The following MIER2 variants were observed in gnomAD, a reference collection of about 807,000 sequenced individuals.
MIER2 encodes MIER family member 2.
In MIER2, 30 loss-of-function variants were observed where a neutral mutation model predicts 67.6. That is an observed-to-expected ratio of 0.44 (90% CI 0.33 to 0.60). MIER2 has a LOEUF of 0.60. MIER2 is among the 20% of genes least tolerant of loss of function. The pLI is 0.02. For synonymous variants in MIER2, 372 were observed against 312.6 expected (o/e 1.19, Z -2.00); for missense variants, 702 against 745.1 (o/e 0.94, Z 0.67).
chr19:325,539 C>T (rs188658715), intron 7 of MIER2, 96 bp downstream of exon 7: 76 of 1,402,260 alleles, frequency 5.4e-5, no homozygotes, highest in African/African-American at 1.4e-4. Flanking sequence ...CGATGCGGGG[C>T]GGGGACCTGA....
chr19:313,749 T>C, intron 7 of MIER2, 106 bp from the exon 8 acceptor site: 3 of 1,453,578 alleles, frequency 2.1e-6, no homozygotes, highest in Non-Finnish European at 1.9e-6. Context: ...GAGGAGGCAC[T>C]GTCCGTCCTC....
intron 1 of MIER2, among the ~76,000 whole-genome samples, chr19:341,522 A>C (rs1307085526): frequency 1.3e-5 from 2 of 152,126 alleles, no homozygotes; most frequent in African/African-American, 4.8e-5. Flanking sequence ...GGCGACTCTG[A>C]GTTCCTGGAA....
At position 334,468 on chromosome 19, in the gene MIER2, C is replaced by A. The variant is rs375363029; in HGVS notation, c.175G>T (p.Glu59Ter). ...ILSQNYSVRG[E>*]CEEASRCPDK... is the part of the protein sequence containing the mutation. ...GGGCACCTCGAGGCCTCCTCGCACT[C>A]CCCCCTAACACTGTAGTTCTGTGAC... Residue 59 changes from glutamate to a stop codon, truncating the protein, a stop_gained, in exon 3 of 14, where the codon GAG (glutamate) becomes TAG (stop). Transcript: ENST00000264819. LOFTEE classifies it high-confidence loss of function. The A allele has an allele frequency of 4.3e-6, 7 of 1,614,010 alleles. No individual in the cohort carries two copies. The highest frequency in any genetic ancestry group is 5.9e-6 in the Non-Finnish European group (7 of 1,180,016).
intron 1 of MIER2, chr19:340,682 G>A (rs563452780): frequency 4.0e-4 from 61 of 152,316 alleles, no homozygotes; most frequent in African/African-American, 1.4e-3. Context: ...TGAGGTTCAA[G>A]GGCCAACTGT....
intron 7 of MIER2, among the ~76,000 whole-genome samples, chr19:318,740 C>A (rs1971368084): frequency 6.6e-6 from 1 of 152,106 alleles, no homozygotes; most frequent in African/African-American, 2.4e-5. Flanking sequence ...TGTTTTCTGA[C>A]CACAGTGTAA....
intron 7 of MIER2, among the ~76,000 whole-genome samples, chr19:319,320 C>A (rs996662201): frequency 6.6e-6 from 1 of 152,108 alleles, no homozygotes; most frequent in East Asian, 1.9e-4. Context: ...CAATATTGCA[C>A]CACTGAACTC....
In MIER2 at chr19:306,676, C is replaced by T. The variant is rs1262253122; in HGVS notation, c.*14G>A. ...AGTCCAGTCTGGGCCGCATACGCCGCCCGCGGCCAGGAGTCAGCAGGTCAT... is the reference window on the plus strand; with the variant it reads ...AGTCCAGTCTGGGCCGCATACGCCGTCCGCGGCCAGGAGTCAGCAGGTCAT... On this transcript the variant is annotated 3_prime_UTR_variant, in exon 14 of 14. Transcript: ENST00000264819. 2 of 1,554,894 alleles carry T rather than the reference C, an allele frequency of 1.3e-6. No homozygotes were observed. Among genetic ancestry groups the T allele is most frequent in the Non-Finnish European group, 1.7e-6 (2 of 1,149,030 alleles).
intron 1 of MIER2, among the ~76,000 whole-genome samples, chr19:339,131 C>A (rs1205446792): frequency 1.5e-5 from 2 of 136,296 alleles, no homozygotes; most frequent in Non-Finnish European, 3.1e-5. Flanking sequence ...AAATTAAAAA[C>A]TTTTGTGCTT....
rs1251672645 is a variant in MIER2 at position 308,706 on chromosome 19, G to C, written c.1110-41C>G. The C allele has an allele frequency of 1.3e-6, 2 of 1,596,192 alleles. No homozygotes were observed. The highest frequency in any genetic ancestry group is 1.7e-6 in the Non-Finnish European group (2 of 1,171,444). On this transcript the variant is annotated intron_variant, in intron 11 of 13. Transcript: ENST00000264819. This position sits in a 1 kb window ranked among gnomAD's most constrained non-coding sequence, Gnocchi z 9.1. ...GCCATGAGGGGCGGCAGACAGGACAGACGCCCCCACCCAAGAGGTGCCGCC... is the reference window on the plus strand; with the variant it reads ...GCCATGAGGGGCGGCAGACAGGACACACGCCCCCACCCAAGAGGTGCCGCC...
chr19:327,375 T>C, intron 4 of MIER2, 119 bp from the exon 5 acceptor site: 1 of 1,278,498 alleles, frequency 7.8e-7, no homozygotes, highest in Non-Finnish European at 1.1e-6. Flanking sequence ...GGGCTGCTAT[T>C]CCCATTCTGC....
rs1461210052 is a variant in MIER2, at chr19:309,531, G to A, written c.985-606C>T. Among the ~76,000 whole-genome samples, 4 of 151,458 alleles carry A rather than the reference G, an allele frequency of 2.6e-5. 1 individual carries two copies. Among genetic ancestry groups the A allele is most frequent in the African/African-American group, 9.8e-5 (4 of 40,962 alleles). On this transcript the variant is annotated intron_variant, in intron 10 of 13. Transcript: ENST00000264819. The stretch of plus-strand genomic sequence containing the variant: ...AAAATTCCCAACGTAGCACATAAAG[G>A]GCCAAACACACATGCACACAGGCTT...
chr19:316,583 G>A (rs1971245875), intron 7 of MIER2, among the ~76,000 whole-genome samples: 1 of 152,154 alleles, frequency 6.6e-6, no homozygotes, highest in South Asian at 2.1e-4. Flanking sequence ...AGCCACCACA[G>A]CCGGCTCATA....
Position 327,187 on chromosome 19 carries a change from T to C in MIER2, c.439A>G (p.Thr147Ala). The C allele has an allele frequency of 6.3e-7, 1 of 1,592,568 alleles. No homozygotes were observed. Among genetic ancestry groups the C allele is most frequent in the Non-Finnish European group, 8.5e-7 (1 of 1,173,800 alleles). ...EETQSSADDLTPSVTSHEASD... is the reference protein window; with the variant it reads ...EETQSSADDLAPSVTSHEASD... ...GCCTCGTGGGAGGTCACGGACGGGG[T>C]GAGGTCGTCAGCAGATGATTGCGTC... Residue 147 changes from threonine (T) to alanine (A), a missense_variant, in exon 5 of 14, where the codon ACC (threonine) becomes GCC (alanine). Transcript: ENST00000264819.
intron 7 of MIER2, among the ~76,000 whole-genome samples, chr19:314,088 G>A (rs1234837993): frequency 1.3e-5 from 2 of 152,186 alleles, no homozygotes; most frequent in Non-Finnish European, 2.9e-5. Context: ...GAGGCCTGAG[G>A]GAGCAGCAAG....
intron 1 of MIER2, 86 bp from the exon 2 acceptor site, chr19:336,259 G>T (rs559035495): frequency 3.6e-6 from 4 of 1,114,816 alleles, no homozygotes; most frequent in Admixed American, 2.1e-5. Flanking sequence ...AGCAAGCGCT[G>T]GTCAGAGCCC....
In MIER2 at chr19:308,617, A is replaced by C. The variant is rs1254868892; in HGVS notation, c.1158T>G (p.Arg386=). The change falls in exon 12 of 14, where the codon CGT becomes CGG. Residue 386 remains arginine, a synonymous_variant. Transcript: ENST00000264819. This position sits in a 1 kb window ranked among gnomAD's most constrained non-coding sequence, Gnocchi z 9.1. ...TCAGGGTGTCTTGCTCCGGGCGCGG[A>C]CGGCCGGGGCCATCGGGGTCGCTGC... ...LDGSDPDGPG[R]PRPEQDTLTG... 1 of 1,607,370 alleles carries C rather than the reference A, an allele frequency of 6.2e-7. No individual in the cohort carries two copies. The highest frequency in any genetic ancestry group is 8.5e-7 in the Non-Finnish European group (1 of 1,178,178).
intron 1 of MIER2, among the ~76,000 whole-genome samples, chr19:339,630 T>A (rs546038843): frequency 6.6e-6 from 1 of 152,174 alleles, no homozygotes; most frequent in South Asian, 2.1e-4. Context: ...AACAAAGCAC[T>A]AGCAACGGGG....
intron 4 of MIER2, 50 bp downstream of exon 4, chr19:327,814 G>A (rs1568231603): frequency 4.4e-6 from 7 of 1,602,696 alleles, no homozygotes; most frequent in African/African-American, 1.3e-5. Context: ...GCAGCGCCAG[G>A]CCCCCCCACC....
At chr19:314,150 C>T (rs922085253) in intron 7 of MIER2, among the ~76,000 whole-genome samples, 6 of 152,180 alleles carry the variant, frequency 3.9e-5, no homozygotes, top group Admixed American at 2.0e-4. Context: ...CGTGGACAAG[C>T]GGGAGCCCCC....
Sources: gnomAD v4.1 joint callset for allele counts (sites outside exome capture counted in the v4.1 genomes callset) on GRCh38, gnomAD v4.1.1 for gene constraint, Gnocchi (gnomAD v3.1) non-coding constraint, MANE v1.5 for transcripts, NCBI Gene and HGNC (gene_info 2026-07-23, HGNC 2026-07-21) for gene names.